SBF2: variants seen among roughly 807,000 people sequenced by gnomAD.
SBF2 encodes SET binding factor 2.
SBF2 carries 112 observed loss-of-function variants against 225.2 expected under a neutral mutation model. That is an observed-to-expected ratio of 0.50 (90% confidence interval 0.43 to 0.58). The LOEUF (loss-of-function observed/expected upper bound fraction) is 0.58. Among genes scored for constraint, SBF2 ranks in the 20% least tolerant of loss-of-function variants. The pLI, the probability that SBF2 is intolerant of heterozygous loss-of-function variation, is 0.00. For synonymous variants in SBF2, 763 were observed against 773.3 expected (o/e 0.99, Z 0.22); for missense variants, 1,996 against 2,206.2 (o/e 0.90, Z 1.91).
rs1019555021 is a variant in SBF2 at position 9,997,703 on chromosome 11, G to A, written c.975+563C>T. ...TGAGGCAGGAGAATGGTGTGAACCC[G>A]GGAGGCGGAGCTTGCAGTGAGCCCA... On this transcript the variant is annotated intron_variant, in intron 9 of 39. Coordinates refer to ENST00000256190, the MANE Select transcript of SBF2 (RefSeq NM_030962.4). 1.6e-4 allele frequency among the ~76,000 whole-genome samples: 25 copies of A among 152,330 alleles called. 1 individual carries two copies. The highest frequency in any genetic ancestry group is 4.8e-4 in the African/African-American group (20 of 41,574).
chr11:9,956,566 T>TG (rs1565055429), intron 16 of SBF2: 2 of 25,194 alleles, frequency 7.9e-5, no homozygotes, highest in African/African-American at 2.3e-4. Context: ...TTTCCTTAAC[T>TG]CTTTTTTTTT....
At chr11:9,950,997 TA>T (rs1440194958) in intron 16 of SBF2, among the ~76,000 whole-genome samples, 4 of 152,116 alleles carry the variant, frequency 2.6e-5, no homozygotes, top group Non-Finnish European at 5.9e-5. Context: ...GTGGATAGTA[TA>T]GGGGAAGTAC....
intron 2 of SBF2, among the ~76,000 whole-genome samples, chr11:10,095,479 A>G (rs1323676380): frequency 1.3e-5 from 2 of 152,180 alleles, no homozygotes; most frequent in African/African-American, 4.8e-5. Flanking sequence ...TACTTTCAAC[A>G]GCCAACTATG....
At chr11:10,299,528 T>TA (rs1964576585) in intron 1 of SBF2, among the ~76,000 whole-genome samples, 1 of 152,108 alleles carries the variant, frequency 6.6e-6, no homozygotes, top group African/African-American at 2.4e-5. Flanking sequence ...GGCTACATAA[T>TA]ATGTGGAGTC....
intron 1 of SBF2, among the ~76,000 whole-genome samples, chr11:10,292,028 A>G (rs1964190192): frequency 6.6e-6 from 1 of 152,236 alleles, no homozygotes; most frequent in African/African-American, 2.4e-5. Context: ...AAATATGTTA[A>G]GGTCATGAAA....
At chr11:9,993,214 C>A in intron 10 of SBF2, 111 bp from the exon 11 acceptor site, 1 of 748,658 alleles carries the variant, frequency 1.3e-6, no homozygotes, top group Non-Finnish European at 2.3e-6. Context: ...TTTTTATATC[C>A]ACCAAAACAA....
In SBF2 at chr11:10,172,195, C is replaced by G. The variant is rs566967764; in HGVS notation, c.141+21707G>C. The stretch of plus-strand genomic sequence containing the variant: ...TAATCTTGGGTTTGGTTTGCTCTTG[C>G]CTTTCTAGTTCTTTAAGATGCATCA... On this transcript the variant is annotated intron_variant, in intron 2 of 39. Coordinates refer to ENST00000256190, the MANE Select transcript of SBF2 (RefSeq NM_030962.4). Among the ~76,000 whole-genome samples the G allele has an allele frequency of 8.9e-4, 135 of 151,816 alleles. 1 individual carries two copies. Among genetic ancestry groups the G allele is most frequent in the Middle Eastern group, 6.8e-3 (2 of 294 alleles).
intron 21 of SBF2, 64 bp from the exon 22 acceptor site, chr11:9,850,282 G>GTCTTA: frequency 2.7e-6 from 4 of 1,478,574 alleles, no homozygotes; most frequent in Non-Finnish European, 3.8e-6. Flanking sequence ...TGGAGACAGG[G>GTCTTA]TCTTGCTCTG....
At chr11:10,183,255 C>T (rs540637937) in intron 2 of SBF2, among the ~76,000 whole-genome samples, 2 of 152,278 alleles carry the variant, frequency 1.3e-5, no homozygotes, top group East Asian at 3.9e-4. Context: ...CGTCCCACAT[C>T]CTCTCATTTC....
At chr11:10,253,865 T>C (rs1212978950) in intron 1 of SBF2, among the ~76,000 whole-genome samples, 2 of 152,048 alleles carry the variant, frequency 1.3e-5, no homozygotes, top group Non-Finnish European at 2.9e-5. Flanking sequence ...AAAATAAATC[T>C]GGCCACAAGA....
chr11:10,070,783 T>C (rs761498593), intron 2 of SBF2, among the ~76,000 whole-genome samples: 2 of 152,242 alleles, frequency 1.3e-5, no homozygotes, highest in Non-Finnish European at 2.9e-5. Flanking sequence ...TGATTCTTCC[T>C]ATCCATGAGC....
intron 16 of SBF2, chr11:9,959,678 G>C (rs924291280): frequency 1.4e-6 from 1 of 733,196 alleles, no homozygotes; most frequent in Non-Finnish European, 2.6e-6. Flanking sequence ...AGTCTTGCTT[G>C]AGTACCATCG....
chr11:10,265,972 G>C (rs553342225), intron 1 of SBF2, among the ~76,000 whole-genome samples: 76 of 152,260 alleles, frequency 5.0e-4, no homozygotes, highest in African/African-American at 1.7e-3. Flanking sequence ...CTCTCACCTT[G>C]GTCTCCCAAA....
chr11:10,222,600 G>A (rs954966650), intron 1 of SBF2, among the ~76,000 whole-genome samples: 2 of 152,074 alleles, frequency 1.3e-5, no homozygotes, highest in African/African-American at 4.8e-5. Flanking sequence ...AAGCAAATTG[G>A]GGGGAAAAAG....
intron 1 of SBF2, among the ~76,000 whole-genome samples, chr11:10,197,872 G>T (rs977718412): frequency 1.3e-5 from 2 of 152,196 alleles, no homozygotes; most frequent in Non-Finnish European, 2.9e-5. Context: ...AAGAAGCAAA[G>T]CTTCATCTGT....
chr11:10,163,513 T>C (rs1404170864), intron 2 of SBF2, among the ~76,000 whole-genome samples: 1 of 152,140 alleles, frequency 6.6e-6, no homozygotes, highest in Non-Finnish European at 1.5e-5. Flanking sequence ...AGATTTTACT[T>C]TTATGCTTAC....
intron 2 of SBF2, among the ~76,000 whole-genome samples, chr11:10,045,602 T>A (rs572449786): frequency 1.3e-5 from 2 of 152,356 alleles, no homozygotes; most frequent in East Asian, 3.9e-4. Context: ...CCACGTTCAA[T>A]TGAGTTCAAA....
intron 1 of SBF2, among the ~76,000 whole-genome samples, chr11:10,215,346 G>T (rs191988087): frequency 6.6e-6 from 1 of 152,350 alleles, no homozygotes; most frequent in East Asian, 1.9e-4. Context: ...TATTCTCCAA[G>T]AGATGTAACC....
At chr11:10,052,336 G>A (rs1950094405) in intron 2 of SBF2, among the ~76,000 whole-genome samples, 2 of 152,120 alleles carry the variant, frequency 1.3e-5, no homozygotes, top group Admixed American at 6.6e-5. Flanking sequence ...ATGAGTGTAT[G>A]AGCAACGACT....
Sources: gnomAD v4.1 joint callset for allele counts (sites outside exome capture counted in the v4.1 genomes callset) on GRCh38, gnomAD v4.1.1 for gene constraint, MANE v1.5 for transcripts, NCBI Gene and HGNC (gene_info 2026-07-23, HGNC 2026-07-21) for gene names.